Variants in GCNT2 observed in about 807,000 individuals in gnomAD.
The protein encoded by GCNT2 is glucosaminyl (N-acetyl) transferase 2 (I blood group).
GCNT2 carries 34 observed loss-of-function variants against 34.2 expected under a neutral mutation model. That is an observed-to-expected ratio of 1.00 (90% CI 0.76 to 1.32). GCNT2 has a LOEUF of 1.32. Among genes scored for constraint, GCNT2 ranks in the 40% most tolerant of loss-of-function variants. The pLI, the probability that GCNT2 is intolerant of heterozygous loss-of-function variation, is 0.00. For synonymous variants in GCNT2, 212 were observed against 188.0 expected (o/e 1.13, Z -1.04); for missense variants, 584 against 489.4 (o/e 1.19, Z -1.82).
chr6:10,623,350 G>C (rs1222173240), intron 4 of GCNT2, among the ~76,000 whole-genome samples: 1 of 150,580 alleles, frequency 6.6e-6, no homozygotes, highest in Non-Finnish European at 1.5e-5. Context: ...GAGTACAAGT[G>C]GCACAATCTC....
chr6:10,596,044 C>T (rs1279580464), intron 3 of GCNT2, among the ~76,000 whole-genome samples: 1 of 152,138 alleles, frequency 6.6e-6, no homozygotes, highest in Non-Finnish European at 1.5e-5. Context: ...CAGACTAAGG[C>T]TTTCTCCTCA....
chr6:10,532,817 G>GT (rs1291813079), intron 3 of GCNT2, among the ~76,000 whole-genome samples: 4 of 151,808 alleles, frequency 2.6e-5, no homozygotes, highest in African/African-American at 9.7e-5. Flanking sequence ...AAACCTAAGG[G>GT]TTGTCTTGTT....
At position 10,529,459 on chromosome 6, in the gene GCNT2, C is replaced by A. The variant is rs772030668; in HGVS notation, c.548C>A (p.Pro183His). 6.2e-7 allele frequency: 1 copy of A among 1,614,112 alleles called. No homozygotes were observed. The highest frequency in any genetic ancestry group is 8.5e-7 in the Non-Finnish European group (1 of 1,180,008). ...CLEDLVASEV[P>H]WKYVINTCGQ... The stretch of plus-strand genomic sequence containing the variant: ...GAAGACCTTGTGGCCTCTGAAGTTC[C>A]CTGGAAGTATGTCATCAACACCTGC... Residue 183 changes from proline to histidine, a missense_variant, in exon 3 of 5, where the codon CCC (proline) becomes CAC (histidine). Pro to His is a moderately conservative substitution (Grantham distance 77, BLOSUM62 -2). Transcript: ENST00000495262.
At chr6:10,610,433 T>C (rs991298224) in intron 3 of GCNT2, among the ~76,000 whole-genome samples, 6 of 152,182 alleles carry the variant, frequency 3.9e-5, no homozygotes, top group Admixed American at 2.0e-4. Context: ...CTAAAAATTA[T>C]AAACAGCAGA....
intron 3 of GCNT2, among the ~76,000 whole-genome samples, chr6:10,584,744 C>T (rs1369273123): frequency 6.6e-6 from 1 of 152,204 alleles, no homozygotes; most frequent in Non-Finnish European, 1.5e-5. Context: ...GCCCTAGATC[C>T]ATTAAACCTT....
intron 3 of GCNT2, among the ~76,000 whole-genome samples, chr6:10,536,365 T>C (rs903903983): frequency 2.7e-5 from 4 of 149,184 alleles, no homozygotes; most frequent in South Asian, 4.2e-4. Flanking sequence ...AACTTCTTCT[T>C]TTTTTTTTTT....
chr6:10,626,091 T>C (rs1171269282), intron 4 of GCNT2, among the ~76,000 whole-genome samples: 1 of 152,202 alleles, frequency 6.6e-6, no homozygotes, highest in African/African-American at 2.4e-5. Context: ...TGAATGACCT[T>C]GTAACACCTA....
intron 3 of GCNT2, among the ~76,000 whole-genome samples, chr6:10,545,646 G>C (rs558056289): frequency 1.3e-5 from 2 of 152,268 alleles, no homozygotes; most frequent in South Asian, 2.1e-4. Context: ...CACCCTTGTA[G>C]AATTTTCCAT....
At chr6:10,602,085 C>T (rs1765115067) in intron 3 of GCNT2, among the ~76,000 whole-genome samples, 1 of 152,192 alleles carries the variant, frequency 6.6e-6, no homozygotes, top group Non-Finnish European at 1.5e-5. Flanking sequence ...GCCAACATTT[C>T]TTTGCAGTCT....
chr6:10,578,800 A>C lies in GCNT2; in HGVS notation c.926-42551A>C, dbSNP rs140095769. On this transcript the variant is annotated intron_variant, in intron 3 of 4. Coordinates refer to ENST00000495262, the MANE Select transcript of GCNT2 (RefSeq NM_145649.5). ...CATGGAAAAGGATAAGCATACAAAA[A>C]TGAAGTTAACTTAGATCCATTTTGT... is the stretch of plus-strand genomic sequence containing the variant. 7.7e-3 allele frequency among the ~76,000 whole-genome samples: 1,169 copies of C among 152,270 alleles called. 17 individuals carry two copies. Among genetic ancestry groups the C allele is most frequent in the African/African-American group, 0.025 (1,039 of 41,552 alleles).
At chr6:10,544,471 G>A (rs1762175164) in intron 3 of GCNT2, among the ~76,000 whole-genome samples, 1 of 150,314 alleles carries the variant, frequency 6.7e-6, no homozygotes, top group African/African-American at 2.5e-5. Flanking sequence ...AGGGCGTGGT[G>A]GCAGGTGCCT....
intron 3 of GCNT2, among the ~76,000 whole-genome samples, chr6:10,611,412 C>T (rs964716667): frequency 1.3e-5 from 2 of 149,938 alleles, no homozygotes; most frequent in Non-Finnish European, 3.0e-5. Context: ...CTCACTGAAA[C>T]CTCCGCCTCC....
At chr6:10,568,453 C>G (rs1335142306) in intron 3 of GCNT2, among the ~76,000 whole-genome samples, 1 of 152,140 alleles carries the variant, frequency 6.6e-6, no homozygotes, top group Non-Finnish European at 1.5e-5. Flanking sequence ...TAACTCTGGC[C>G]CATCACACCT....
chr6:10,607,216 G>C lies in GCNT2; in HGVS notation c.926-14135G>C, dbSNP rs142075609. 7.4e-3 allele frequency among the ~76,000 whole-genome samples: 1,130 copies of C among 152,210 alleles called. 16 individuals are homozygous for C. The highest frequency in any genetic ancestry group is 0.021 in the Admixed American group (327 of 15,272). ...GCCGAGACTGGGTATTTTATAAAGA[G>C]AAGAGGCTTAATTGCCTCACAGTTC... On this transcript the variant is annotated intron_variant, in intron 3 of 4. Coordinates refer to ENST00000495262, the MANE Select transcript of GCNT2 (RefSeq NM_145649.5).
intron 3 of GCNT2, among the ~76,000 whole-genome samples, chr6:10,577,485 A>G (rs1763871705): frequency 6.6e-6 from 1 of 152,164 alleles, no homozygotes; most frequent in African/African-American, 2.4e-5. Context: ...TCATGGGCCA[A>G]GTTAAGGGGC....
intron 3 of GCNT2, among the ~76,000 whole-genome samples, chr6:10,536,941 T>C (rs1761790590): frequency 6.6e-6 from 1 of 151,912 alleles, no homozygotes; most frequent in Non-Finnish European, 1.5e-5. Flanking sequence ...AATTTTTGCC[T>C]CTTTAGTAGA....
chr6:10,592,095 A>AAATGTCACCAGGACG (rs1554135112), intron 3 of GCNT2, among the ~76,000 whole-genome samples: 2 of 152,004 alleles, frequency 1.3e-5, no homozygotes, highest in Admixed American at 6.6e-5. Flanking sequence ...ATGTCTTAAC[A>AAATGTCACCAGGACG]AACGTCACCA....
intron 3 of GCNT2, among the ~76,000 whole-genome samples, chr6:10,573,879 A>G (rs907201149): frequency 1.3e-5 from 2 of 152,148 alleles, no homozygotes; most frequent in African/African-American, 4.8e-5. Context: ...GCTTCTGCCT[A>G]TGCTTCGGGA....
chr6:10,559,437 A>G (rs1004985409), intron 3 of GCNT2, among the ~76,000 whole-genome samples: 3 of 152,330 alleles, frequency 2.0e-5, no homozygotes, highest in South Asian at 2.1e-4. Context: ...GTGTGGCCCC[A>G]TGTAAATCAT....
Sources: allele counts gnomAD v4.1 joint callset (sites outside exome capture counted in the v4.1 genomes callset), GRCh38; gene constraint gnomAD v4.1.1; transcripts MANE v1.5; gene names NCBI Gene and HGNC (gene_info 2026-07-23, HGNC 2026-07-21).